The following PIGN variants were observed in gnomAD, a reference collection of about 807,000 sequenced individuals.
The protein encoded by PIGN is phosphatidylinositol glycan anchor biosynthesis class N.
Under a neutral mutation model 125.4 loss-of-function variants are expected in PIGN, and 117 were observed. The observed-to-expected ratio is 0.93, with a 90% confidence interval of 0.80 to 1.09. PIGN has a LOEUF of 1.09. Ranked by LOEUF, PIGN falls within the 50% of genes least tolerant of loss-of-function variation. PIGN has a pLI of 0.00. For missense variants in PIGN, 1,075 were observed against 1,094.9 expected, an observed-to-expected ratio of 0.98 and a Z score of 0.26; for synonymous variants, 392 against 377.8, an observed-to-expected ratio of 1.04 and a Z score of -0.44.
At chr18:62,097,241 A>T (rs553961387) in intron 22 of PIGN, among the ~76,000 whole-genome samples, 1,999 of 130,878 alleles carry the variant, frequency 0.015, 46 homozygotes, top group African/African-American at 0.055. Flanking sequence ...AAAACAAACA[A>T]CCCCATCAAA....
In PIGN at chr18:62,072,729, T is replaced by TTA. The variant is rs112622481; in HGVS notation, c.2620-5_2620-4insTA. The TTA allele has an allele frequency of 8.2e-7, 1 of 1,224,050 alleles. No homozygotes were observed. The highest frequency in any genetic ancestry group is 2.6e-5 in the East Asian group (1 of 38,320). 75.8% of individuals were successfully genotyped at this position (1,224,050 alleles called of 1,614,324 possible). On this transcript the variant is annotated splice_polypyrimidine_tract_variant and splice_region_variant and intron_variant, in intron 29 of 30. Transcript: ENST00000640252. ...CCTTGACCAAGAAGAAAAAATGCTGTAAAAAAAAAAAAAGGCTTAATGAAA... is the reference window on the plus strand; with the variant it reads ...CCTTGACCAAGAAGAAAAAATGCTGTTAAAAAAAAAAAAAAGGCTTAATGAAA...
At chr18:62,106,737 G>A (rs541681532) in intron 19 of PIGN, 52 bp downstream of exon 19, 10 of 1,198,078 alleles carry the variant, frequency 8.3e-6, no homozygotes, top group African/African-American at 1.5e-5. Context: ...TTACACATGT[G>A]TCAAAACAAA....
At position 62,067,390 on chromosome 18, in the gene PIGN, T is replaced by G. The variant is rs143374635; in HGVS notation, c.2672+5283A>C. Among the ~76,000 whole-genome samples, 19 of 152,352 alleles carry G rather than the reference T, an allele frequency of 1.2e-4. No individual in the cohort carries two copies. In the East Asian group the frequency reaches 3.7e-3, roughly 29 times the overall value. ...TTTAAATGTCCAGTTAGCCGATTAT[T>G]GACAAATGCTACATCCATGTAACTA... is the stretch of plus-strand genomic sequence containing the variant. On this transcript the variant is annotated intron_variant, in intron 30 of 30. Transcript: ENST00000640252.
chr18:62,096,388 CT>C (rs1445913097), intron 22 of PIGN, among the ~76,000 whole-genome samples: 5 of 151,980 alleles, frequency 3.3e-5, no homozygotes, highest in African/African-American at 9.7e-5. Flanking sequence ...TACATTTCCC[CT>C]AATCACAGTC....
intron 23 of PIGN, among the ~76,000 whole-genome samples, chr18:62,093,081 C>G (rs1366448536): frequency 6.6e-6 from 1 of 151,958 alleles, no homozygotes. Flanking sequence ...GCTCTGGACA[C>G]TGGAGATATG....
chr18:62,031,121 A>C (rs969962107), intron 23 of PIGN, among the ~76,000 whole-genome samples: 1 of 152,184 alleles, frequency 6.6e-6, no homozygotes, highest in African/African-American at 2.4e-5. Flanking sequence ...GAATCATGGG[A>C]GTGGTTTCCC....
intron 23 of PIGN, among the ~76,000 whole-genome samples, chr18:62,093,873 T>G (rs551541485): frequency 6.6e-6 from 1 of 152,112 alleles, no homozygotes; most frequent in Non-Finnish European, 1.5e-5. Context: ...ACTGAGAAGA[T>G]GTACTGATTG....
chr18:62,030,564 A>G (rs935060919), intron 23 of PIGN, among the ~76,000 whole-genome samples: 8 of 152,220 alleles, frequency 5.3e-5, no homozygotes, highest in African/African-American at 1.9e-4. Context: ...TGTTCCAGAA[A>G]AGCCAAACCA....
At chr18:62,050,373 C>A (rs936495627) in intron 30 of PIGN, among the ~76,000 whole-genome samples, 3 of 152,184 alleles carry the variant, frequency 2.0e-5, no homozygotes, top group East Asian at 3.9e-4. Context: ...TCTTTTATTT[C>A]ATTGAGCAGT....
At chr18:62,176,852 T>C (rs943792722) in intron 1 of PIGN, among the ~76,000 whole-genome samples, 1 of 152,156 alleles carries the variant, frequency 6.6e-6, no homozygotes, top group Non-Finnish European at 1.5e-5. Flanking sequence ...TTGATAATTA[T>C]ATGATGTTTA....
chr18:62,028,622 A>ATTAAC (rs1338284322), intron 23 of PIGN, among the ~76,000 whole-genome samples: 1 of 152,212 alleles, frequency 6.6e-6, no homozygotes, highest in Non-Finnish European at 1.5e-5. Flanking sequence ...GCTGTAAAAA[A>ATTAAC]TTAACAGTTC....
intron 23 of PIGN, among the ~76,000 whole-genome samples, chr18:62,021,337 T>G (rs1261752510): frequency 6.6e-6 from 1 of 152,236 alleles, no homozygotes; most frequent in Admixed American, 6.5e-5. Flanking sequence ...GATTTTATTC[T>G]GCTAGCAAGG....
intron 30 of PIGN, among the ~76,000 whole-genome samples, chr18:62,062,070 C>A (rs1424209623): frequency 6.6e-6 from 1 of 152,126 alleles, no homozygotes; most frequent in Non-Finnish European, 1.5e-5. Context: ...AAAGGAAAGA[C>A]CTTAGAATTC....
At chr18:62,110,890 A>T (rs867873749) in intron 16 of PIGN, among the ~76,000 whole-genome samples, 5 of 145,380 alleles carry the variant, frequency 3.4e-5, no homozygotes, top group Admixed American at 1.4e-4. Context: ...TATATATATT[A>T]TATATATATA....
chr18:62,071,876 A>ATATATG (rs2032882216), intron 30 of PIGN, among the ~76,000 whole-genome samples: 19 of 54,150 alleles, frequency 3.5e-4, no homozygotes, highest in African/African-American at 1.7e-3. Context: ...ATATATATAT[A>ATATATG]TATATATATA....
At chr18:62,020,373 AT>A (rs1217707783) in intron 23 of PIGN, among the ~76,000 whole-genome samples, 24 of 152,348 alleles carry the variant, frequency 1.6e-4, no homozygotes, top group African/African-American at 5.1e-4. Context: ...TTCATAATTT[AT>A]AGCATACAAT....
intron 23 of PIGN, among the ~76,000 whole-genome samples, chr18:62,023,410 C>A (rs1321147603): frequency 6.6e-6 from 1 of 152,194 alleles, no homozygotes; most frequent in Non-Finnish European, 1.5e-5. Context: ...GCACTTCAGT[C>A]CTTTTTATCA....
intron 23 of PIGN, among the ~76,000 whole-genome samples, chr18:62,022,607 C>A (rs1269297144): frequency 1.3e-5 from 2 of 152,146 alleles, no homozygotes; most frequent in African/African-American, 4.8e-5. Context: ...ATTATGGTTG[C>A]TCTGTGACCT....
rs138412141 is a variant in PIGN at position 62,105,749 on chromosome 18, T to C, written c.1768-115A>G. On this transcript the variant is annotated intron_variant, in intron 19 of 30. Coordinates refer to ENST00000640252, the MANE Select transcript of PIGN (RefSeq NM_176787.5). ...AGGAAAATGCAAAGCCTTACAGCTG[T>C]TTATTATTTTATTTTTCAAATACTT... 3.8e-4 allele frequency: 201 copies of C among 523,410 alleles called. 1 individual carries two copies. In the South Asian group the frequency reaches 4.7e-3, roughly 12 times the overall value. The allele number at this position is 523,410 out of a possible 1,614,324, so 32.4% of individuals were successfully genotyped here. A position where few individuals can be genotyped will look rare whatever the true frequency, so the allele number is the denominator to read the frequency against.
Sources: allele counts gnomAD v4.1 joint callset (sites outside exome capture counted in the v4.1 genomes callset), GRCh38; gene constraint gnomAD v4.1.1; transcripts MANE v1.5; gene names NCBI Gene and HGNC (gene_info 2026-07-23, HGNC 2026-07-21).